The following RAP1GDS1 variants were observed in gnomAD, a reference collection of about 807,000 sequenced individuals.
The protein encoded by RAP1GDS1 is RAP1, GTP-GDP dissociation stimulator 1.
Under a neutral mutation model 71.1 loss-of-function variants are expected in RAP1GDS1, and 35 were observed. The ratio of observed to expected loss-of-function variants is 0.49; its 90% confidence interval spans 0.38 to 0.65. RAP1GDS1 has a LOEUF of 0.65. Ranked by LOEUF, RAP1GDS1 falls within the 30% of genes least tolerant of loss-of-function variation. The pLI, the probability that RAP1GDS1 is intolerant of heterozygous loss-of-function variation, is 0.00. For synonymous variants in RAP1GDS1, 229 were observed against 243.1 expected (o/e 0.94, Z 0.54); for missense variants, 663 against 706.1 (o/e 0.94, Z 0.69).
At chr4:98,401,969 C>T (rs1329721500) in intron 6 of RAP1GDS1, among the ~76,000 whole-genome samples, 1 of 152,144 alleles carries the variant, frequency 6.6e-6, no homozygotes, top group Non-Finnish European at 1.5e-5. Flanking sequence ...ATATACTTTA[C>T]CTATGATTTT....
At chr4:98,418,896 T>TAA in intron 10 of RAP1GDS1, 105 bp downstream of exon 10, 1 of 1,117,368 alleles carries the variant, frequency 8.9e-7, no homozygotes, top group Non-Finnish European at 1.2e-6. Context: ...GAAGAAAATT[T>TAA]AAAAAAAAAT....
rs79468093 is a variant in RAP1GDS1, at chr4:98,341,495, C to T, written c.113-1644C>T. ...CATGGGTGATTTGCAGTTAACTGCTCGCCTCCACACATAACAAATGCTTCG... is the reference window on the plus strand; with the variant it reads ...CATGGGTGATTTGCAGTTAACTGCTTGCCTCCACACATAACAAATGCTTCG... On this transcript the variant is annotated intron_variant, in intron 2 of 14. Transcript: ENST00000408927. Among the ~76,000 whole-genome samples, 724 of 152,266 alleles carry T rather than the reference C, an allele frequency of 4.8e-3. 7 individuals carry two copies. Among genetic ancestry groups the T allele is most frequent in the African/African-American group, 0.016 (665 of 41,560 alleles).
chr4:98,405,267 C>T (rs1314397531), intron 7 of RAP1GDS1, among the ~76,000 whole-genome samples: 1 of 151,942 alleles, frequency 6.6e-6, no homozygotes, highest in African/African-American at 2.4e-5. Flanking sequence ...AGTGGCATAG[C>T]AGATTTAAGA....
At chr4:98,367,748 C>CTGTA (rs1269471042) in intron 4 of RAP1GDS1, among the ~76,000 whole-genome samples, 1 of 152,186 alleles carries the variant, frequency 6.6e-6, no homozygotes, top group East Asian at 1.9e-4. Flanking sequence ...TGCATGCAGC[C>CTGTA]TGTAGCTCCT....
At position 98,418,657 on chromosome 4, in the gene RAP1GDS1, A is replaced by T. The variant is rs749720939; in HGVS notation, c.1040A>T (p.Asp347Val). 2 of 1,581,196 alleles carry T rather than the reference A, an allele frequency of 1.3e-6. No individual in the cohort carries two copies. Among genetic ancestry groups the T allele is most frequent in the Non-Finnish European group, 8.5e-7 (1 of 1,169,656 alleles). ...ALAIANFARNDANCIHMVDNG... is the reference protein window; with the variant it reads ...ALAIANFARNVANCIHMVDNG... ...AAAAGATGTGTGTTTTTTTTTTCAG[A>T]TGCAAATTGTATTCATATGGTAGAC... is the stretch of plus-strand genomic sequence containing the variant. The change falls in exon 10 of 15, where the codon GAT (aspartate) becomes GTT (valine). Residue 347 changes from aspartate to valine, a missense_variant and splice_region_variant. Asp to Val is a radical substitution (Grantham distance 152, BLOSUM62 -3). Transcript: ENST00000408927.
chr4:98,387,356 T>C, intron 5 of RAP1GDS1: 1 of 435,868 alleles, frequency 2.3e-6, no homozygotes, highest in Non-Finnish European at 4.7e-6. Context: ...GGACCTATAA[T>C]CTAGTTATAC....
intron 2 of RAP1GDS1, among the ~76,000 whole-genome samples, chr4:98,330,152 T>G (rs1301410360): frequency 6.6e-6 from 1 of 152,162 alleles, no homozygotes; most frequent in African/African-American, 2.4e-5. Context: ...GGTTATAGAT[T>G]AACAGCATCC....
At chr4:98,264,404 A>G (rs937771986) in intron 1 of RAP1GDS1, among the ~76,000 whole-genome samples, 1 of 151,562 alleles carries the variant, frequency 6.6e-6, no homozygotes, top group Non-Finnish European at 1.5e-5. Context: ...CTCAAAAAAA[A>G]TATATATATA....
At chr4:98,388,427 T>C (rs998863747) in intron 5 of RAP1GDS1, among the ~76,000 whole-genome samples, 2 of 152,144 alleles carry the variant, frequency 1.3e-5, no homozygotes, top group Non-Finnish European at 2.9e-5. Context: ...CAATCTCTTA[T>C]AAAAATGAGA....
intron 2 of RAP1GDS1, among the ~76,000 whole-genome samples, chr4:98,320,006 T>G (rs1262961674): frequency 2.6e-5 from 4 of 152,168 alleles, no homozygotes; most frequent in Non-Finnish European, 4.4e-5. Flanking sequence ...ACTTTTATGA[T>G]GATCCACTTC....
At chr4:98,406,130 A>G (rs941657205) in intron 7 of RAP1GDS1, among the ~76,000 whole-genome samples, 12 of 152,154 alleles carry the variant, frequency 7.9e-5, no homozygotes, top group East Asian at 5.8e-4. Context: ...AGTAATGCAA[A>G]ACAAGAAAAA....
chr4:98,323,978 A>T (rs1305732678), intron 2 of RAP1GDS1, among the ~76,000 whole-genome samples: 2 of 148,258 alleles, frequency 1.3e-5, no homozygotes, highest in Non-Finnish European at 3.0e-5. Flanking sequence ...AGAGGAAGTC[A>T]AATTGTCCCT....
intron 1 of RAP1GDS1, among the ~76,000 whole-genome samples, chr4:98,284,661 T>TG (rs1725719041): frequency 6.6e-6 from 1 of 152,170 alleles, no homozygotes; most frequent in East Asian, 1.9e-4. Flanking sequence ...ACCATTAGAA[T>TG]GCAGCAGAAG....
At chr4:98,324,028 C>G (rs570483435) in intron 2 of RAP1GDS1, among the ~76,000 whole-genome samples, 1 of 150,788 alleles carries the variant, frequency 6.6e-6, no homozygotes, top group Non-Finnish European at 1.5e-5. Context: ...AAAACCCCAT[C>G]GTCTCAGCCC....
chr4:98,339,496 T>C (rs1253963238), intron 2 of RAP1GDS1, among the ~76,000 whole-genome samples: 1 of 152,154 alleles, frequency 6.6e-6, no homozygotes, highest in East Asian at 1.9e-4. Context: ...TCAATAGTAG[T>C]CTGGCTACAG....
chr4:98,328,195 C>T (rs1001072329), intron 2 of RAP1GDS1, among the ~76,000 whole-genome samples: 2 of 152,154 alleles, frequency 1.3e-5, no homozygotes, highest in Non-Finnish European at 2.9e-5. Flanking sequence ...TTAGCAATAG[C>T]ACAGGCATTT....
At chr4:98,396,648 G>A (rs1578725896) in intron 6 of RAP1GDS1, 1 of 152,168 alleles carries the variant, frequency 6.6e-6, no homozygotes, top group Non-Finnish European at 1.5e-5. Flanking sequence ...AAGACTTCTC[G>A]AGTTTATATA....
intron 7 of RAP1GDS1, among the ~76,000 whole-genome samples, chr4:98,416,297 T>C (rs1747972134): frequency 1.3e-5 from 2 of 151,452 alleles, no homozygotes; most frequent in African/African-American, 2.4e-5. Flanking sequence ...AAGATTTGAG[T>C]TTCAAAAATG....
At chr4:98,429,817 A>G (rs1419042921) in intron 12 of RAP1GDS1, among the ~76,000 whole-genome samples, 2 of 152,076 alleles carry the variant, frequency 1.3e-5, no homozygotes, top group South Asian at 2.1e-4. Context: ...TGGCATCTGA[A>G]TTTGGAACTC....
Sources: gnomAD v4.1 joint callset for allele counts (sites outside exome capture counted in the v4.1 genomes callset) on GRCh38, gnomAD v4.1.1 for gene constraint, MANE v1.5 for transcripts, NCBI Gene and HGNC (gene_info 2026-07-23, HGNC 2026-07-21) for gene names.